The following DRD3 variants were observed in gnomAD, a reference collection of about 807,000 sequenced individuals.
DRD3 encodes D(3) dopamine receptor.
A neutral mutation model predicts 36.3 loss-of-function variants in DRD3; 19 were observed. The observed-to-expected ratio is 0.52, with a 90% CI of 0.36 to 0.77. The LOEUF (loss-of-function observed/expected upper bound fraction) is 0.77. Among genes scored for constraint, DRD3 ranks in the 30% least tolerant of loss-of-function variants. The probability of loss-of-function intolerance (pLI) is 0.00; values close to 1 mark genes in which losing one functional copy is unlikely to be tolerated. For missense variants in DRD3, 465 were observed against 505.3 expected (o/e 0.92, Z 0.77); for synonymous variants, 195 against 203.7 (o/e 0.96, Z 0.36).
At chr3:114,199,223 A>T (rs1436052959) in intron 1 of DRD3, 1 of 152,012 alleles carries the variant, frequency 6.6e-6, no homozygotes, top group Non-Finnish European at 1.5e-5. Context: ...GCTATGACAG[A>T]ATACCTGAGA....
chr3:114,165,676 G>A (rs763051727), intron 2 of DRD3, among the ~76,000 whole-genome samples: 28 of 151,866 alleles, frequency 1.8e-4, no homozygotes, highest in Admixed American at 7.2e-4. Flanking sequence ...AAGAGGCAAA[G>A]ATAGAAGTAC....
intron 2 of DRD3, 67 bp downstream of exon 2, chr3:114,171,656 G>T (rs1404116754): frequency 1.4e-6 from 2 of 1,455,114 alleles, no homozygotes; most frequent in Non-Finnish European, 1.8e-6. Flanking sequence ...AGCCCCAAAG[G>T]CCAGAACTCA....
intron 5 of DRD3, among the ~76,000 whole-genome samples, chr3:114,136,498 T>A (rs2077476350): frequency 6.6e-6 from 1 of 152,186 alleles, no homozygotes; most frequent in Non-Finnish European, 1.5e-5. Flanking sequence ...AATGCCAGTC[T>A]CTTGGCTGTC....
chr3:114,142,880 C>T (rs1410311163), intron 4 of DRD3, among the ~76,000 whole-genome samples: 1 of 152,238 alleles, frequency 6.6e-6, no homozygotes, highest in Non-Finnish European at 1.5e-5. Flanking sequence ...TTAGATCAAG[C>T]ATTGCAGCCT....
chr3:114,169,195 T>C (rs2077815514), intron 2 of DRD3, among the ~76,000 whole-genome samples: 1 of 151,800 alleles, frequency 6.6e-6, no homozygotes, highest in South Asian at 2.1e-4. Flanking sequence ...CAAAGTGCTC[T>C]TTTCTTTCAT....
At chr3:114,180,748 A>G (rs2107897411), upstream of DRD3, among the ~76,000 whole-genome samples, 1 of 152,292 alleles carries the variant, frequency 6.6e-6, no homozygotes, top group African/African-American at 2.4e-5. Context: ...TGACATAACT[A>G]TATTGAACAT....
intron 1 of DRD3, among the ~76,000 whole-genome samples, chr3:114,192,724 C>A (rs17605534): frequency 0.037 from 5,563 of 152,180 alleles, 131 homozygotes; most frequent in Admixed American, 0.066. Context: ...CTACTTATTC[C>A]AATTGTCAAT....
chr3:114,169,359 CTGG>C (rs1168685070), intron 2 of DRD3, among the ~76,000 whole-genome samples: 2 of 149,464 alleles, frequency 1.3e-5, no homozygotes, highest in African/African-American at 2.5e-5. Context: ...AAGACATTGA[CTGG>C]GTCTTGAAGC....
intron 5 of DRD3, among the ~76,000 whole-genome samples, chr3:114,133,671 G>GAAAACTGAAAAGA (rs2077450979): frequency 6.6e-6 from 1 of 152,274 alleles, no homozygotes; most frequent in African/African-American, 2.4e-5. Flanking sequence ...TCTGAGAATG[G>GAAAACTGAAAAGA]AATACTGAAA....
chr3:114,190,352 AATCCATGCATAACT>A (rs1249835718), intron 1 of DRD3, among the ~76,000 whole-genome samples: 6 of 138,880 alleles, frequency 4.3e-5, no homozygotes, highest in Admixed American at 3.8e-4. Flanking sequence ...ATGTTATCCC[AATCCATGCATAACT>A]ATTGCCTTTG....
intron 3 of DRD3, among the ~76,000 whole-genome samples, chr3:114,156,743 T>TTCTTTCTTTTTCTTTC (rs1286313199): frequency 9.7e-5 from 2 of 20,690 alleles, no homozygotes; most frequent in African/African-American, 9.5e-5. Context: ...CTTTCTTTCT[T>TTCTTTCTTTTTCTTTC]TTTCTTTCTT....
chr3:114,164,710 C>T (rs895863147), intron 2 of DRD3, among the ~76,000 whole-genome samples: 2 of 152,152 alleles, frequency 1.3e-5, no homozygotes, highest in Admixed American at 1.3e-4. Context: ...ATTTCGTTAG[C>T]TTCATGATCC....
rs759386053 is a variant in DRD3, at chr3:114,172,017, C to G, written c.-25G>C. On this transcript the variant is annotated 5_prime_UTR_variant, in exon 2 of 7. Coordinates refer to ENST00000383673, the MANE Select transcript of DRD3 (RefSeq NM_000796.6). ...TAGCCCAGAGGGAGGTGCGTGATGC[C>G]AAGGGGCTTCCTGTGAGGAGACAGA... 7.1e-7 allele frequency: 1 copy of G among 1,408,846 alleles called. No homozygotes were observed. Among genetic ancestry groups the G allele is most frequent in the East Asian group, 2.7e-5 (1 of 36,820 alleles). 87.3% of individuals were successfully genotyped at this position (1,408,846 alleles called of 1,614,324 possible).
At chr3:114,177,603 G>A (rs1047351033) in intron 1 of DRD3, among the ~76,000 whole-genome samples, 10 of 152,090 alleles carry the variant, frequency 6.6e-5, no homozygotes, top group Non-Finnish European at 1.3e-4. Flanking sequence ...GAAACTGTTC[G>A]GTATTTGCTT....
chr3:114,198,510 C>T (rs768339590), intron 1 of DRD3, among the ~76,000 whole-genome samples: 3 of 152,018 alleles, frequency 2.0e-5, no homozygotes, highest in Non-Finnish European at 2.9e-5. Flanking sequence ...AGATTGATTT[C>T]GTATTCTGCA....
intron 2 of DRD3, among the ~76,000 whole-genome samples, chr3:114,162,741 A>T (rs149368404): frequency 6.6e-6 from 1 of 152,214 alleles, no homozygotes; most frequent in East Asian, 1.9e-4. Flanking sequence ...AGGTTGTTAC[A>T]CACCCTGCTA....
upstream of DRD3, among the ~76,000 whole-genome samples, chr3:114,182,896 G>A (rs1304608026): frequency 2.0e-5 from 3 of 152,110 alleles, no homozygotes; most frequent in East Asian, 5.8e-4. Flanking sequence ...GTTCATCTAT[G>A]GATGACACTT....
At chr3:114,176,058 C>T (rs78175837) in intron 1 of DRD3, 1 of 152,300 alleles carries the variant, frequency 6.6e-6, no homozygotes, top group East Asian at 1.9e-4. Flanking sequence ...GTCAGGTCCC[C>T]ATCAGTTATG....
At chr3:114,156,784 T>TTTTTCTTTCTTTCG (rs2077679410) in intron 3 of DRD3, among the ~76,000 whole-genome samples, 1 of 118,958 alleles carries the variant, frequency 8.4e-6, no homozygotes, top group African/African-American at 3.1e-5. Flanking sequence ...TCTTTCTTTC[T>TTTTTCTTTCTTTCG]TTCTTTCTTT....
Sources: gnomAD v4.1 joint callset for allele counts (sites outside exome capture counted in the v4.1 genomes callset) on GRCh38, gnomAD v4.1.1 for gene constraint, MANE v1.5 for transcripts, NCBI Gene and HGNC (gene_info 2026-07-23, HGNC 2026-07-21) for gene names.